Variants in SLC14A2 observed in about 807,000 individuals in gnomAD.
SLC14A2 encodes urea transporter 2.
A neutral mutation model predicts 104.6 loss-of-function variants in SLC14A2; 91 were observed. The observed-to-expected ratio is 0.87, with a 90% confidence interval of 0.73 to 1.04. SLC14A2 has a LOEUF of 1.04. Among genes scored for constraint, SLC14A2 ranks in the 50% least tolerant of loss-of-function variants. The pLI is 0.00. For missense variants in SLC14A2, 1,189 were observed against 1,156.0 expected, an observed-to-expected ratio of 1.03 and a Z score of -0.41; for synonymous variants, 476 against 466.4, an observed-to-expected ratio of 1.02 and a Z score of -0.27.
chr18:45,350,276 A>T (rs780478187), intron 1 of SLC14A2, among the ~76,000 whole-genome samples: 10 of 152,248 alleles, frequency 6.6e-5, no homozygotes, highest in Non-Finnish European at 1.3e-4. Flanking sequence ...CCTCAGAATC[A>T]CAATGCATTA....
At chr18:45,220,822 G>A (rs1242002830) in intron 1 of SLC14A2, among the ~76,000 whole-genome samples, 1 of 152,220 alleles carries the variant, frequency 6.6e-6, no homozygotes, top group African/African-American at 2.4e-5. Flanking sequence ...CTCGAGGCTG[G>A]AAGGCCAAAA....
Position 45,432,665 on chromosome 18 carries a change from A to G in SLC14A2, c.-124-50568A>G, listed in dbSNP as rs1456481925. Among the ~76,000 whole-genome samples the G allele has an allele frequency of 3.9e-5, 6 of 152,248 alleles. No individual in the cohort carries two copies. The East Asian group carries it at 9.7e-4, about 25-fold the overall frequency. ...ATTTCGGCTTTGTGAGTACACTTTG[A>G]TATGTTCATGATTCCTGCACAGACC... is the stretch of plus-strand genomic sequence containing the variant. On this transcript the variant is annotated intron_variant, in intron 1 of 20. Transcript: ENST00000586448.
At chr18:45,507,045 T>C (rs59179251) in intron 2 of SLC14A2, among the ~76,000 whole-genome samples, 2 of 152,308 alleles carry the variant, frequency 1.3e-5, no homozygotes, top group South Asian at 2.1e-4. Context: ...TTGAAGGAGA[T>C]GGACAGGACA....
intron 1 of SLC14A2, among the ~76,000 whole-genome samples, chr18:45,418,841 G>A (rs2086306901): frequency 1.3e-5 from 2 of 152,006 alleles, no homozygotes; most frequent in African/African-American, 4.8e-5. Flanking sequence ...TTTTCCTTCT[G>A]AGGAAAAAAA....
At chr18:45,190,200 G>A in the SLC14A2 span, among the ~76,000 whole-genome samples, 1 of 152,098 alleles carries the variant, frequency 6.6e-6, no homozygotes, top group Non-Finnish European at 1.5e-5. Context: ...TTCTTTAGTA[G>A]GCTAAATATT....
chr18:45,502,202 G>C (rs1426278477), intron 2 of SLC14A2, among the ~76,000 whole-genome samples: 1 of 152,222 alleles, frequency 6.6e-6, no homozygotes, highest in Non-Finnish European at 1.5e-5. Flanking sequence ...GGGAAGATTA[G>C]GGGTGGGGTT....
At chr18:45,664,213 G>C (rs1032254923) in intron 11 of SLC14A2, among the ~76,000 whole-genome samples, 3 of 152,174 alleles carry the variant, frequency 2.0e-5, no homozygotes, top group Non-Finnish European at 4.4e-5. Context: ...GCCTGGGTGG[G>C]CATCAGGAGC....
Position 45,639,884 on chromosome 18 carries a change from C to T in SLC14A2, c.982C>T (p.Leu328=). 6.2e-7 allele frequency: 1 copy of T among 1,613,200 alleles called. No homozygotes were observed. The highest frequency in any genetic ancestry group is 1.7e-5 in the Admixed American group (1 of 59,992). Residue 328 remains leucine (L), a synonymous_variant, in exon 7 of 20, where the codon CTG becomes TTG. Transcript: ENST00000255226. ...TGCAGCCATTGGCTCAATCGTGGGG[C>T]TGCTAGCAGGTAGGACAGAGCTCCC... The part of the protein sequence containing the change: ...LHAAIGSIVG[L]LAALSVATPF...
intron 1 of SLC14A2, among the ~76,000 whole-genome samples, chr18:45,480,392 G>A (rs1196206215): frequency 6.6e-6 from 1 of 152,160 alleles, no homozygotes; most frequent in Non-Finnish European, 1.5e-5. Flanking sequence ...CTGCTGAGCT[G>A]AATGCAATTG....
At chr18:45,450,449 A>C (rs1448037840) in intron 1 of SLC14A2, among the ~76,000 whole-genome samples, 1 of 152,204 alleles carries the variant, frequency 6.6e-6, no homozygotes, top group Non-Finnish European at 1.5e-5. Flanking sequence ...AGCTGGTAGC[A>C]GCAGGGATGG....
chr18:45,210,842 G>C (rs1416487596), upstream of SLC14A2, among the ~76,000 whole-genome samples: 1 of 152,190 alleles, frequency 6.6e-6, no homozygotes, highest in African/African-American at 2.4e-5. Context: ...AATATGGAAT[G>C]TGTTGTTGTG....
the SLC14A2 span, among the ~76,000 whole-genome samples, chr18:45,190,008 C>T: frequency 8.5e-5 from 13 of 152,240 alleles, no homozygotes; most frequent in African/African-American, 3.1e-4. Flanking sequence ...TGGTTTTCCA[C>T]AAGATACAGC....
the SLC14A2 span, among the ~76,000 whole-genome samples, chr18:45,177,934 T>G: frequency 1.3e-5 from 2 of 152,312 alleles, no homozygotes; most frequent in East Asian, 3.9e-4. Context: ...GTTTTTCATG[T>G]ATTTCAAAGA....
intron 1 of SLC14A2, among the ~76,000 whole-genome samples, chr18:45,424,863 G>A (rs999431878): frequency 1.3e-5 from 2 of 152,074 alleles, no homozygotes; most frequent in Admixed American, 1.3e-4. Context: ...ATTTTTACTT[G>A]TAAAGTATAT....
intron 1 of SLC14A2, among the ~76,000 whole-genome samples, chr18:45,383,691 T>C (rs967920438): frequency 2.0e-5 from 3 of 152,184 alleles, no homozygotes; most frequent in Admixed American, 1.3e-4. Context: ...TGGATCCAAT[T>C]AGACCTGCCA....
At chr18:45,605,856 G>T (rs895620832) in intron 2 of SLC14A2, among the ~76,000 whole-genome samples, 2 of 152,076 alleles carry the variant, frequency 1.3e-5, no homozygotes, top group African/African-American at 2.4e-5. Flanking sequence ...TCTCCAGAAG[G>T]GTGATGAAGG....
intron 2 of SLC14A2, among the ~76,000 whole-genome samples, chr18:45,586,977 A>G (rs1019393019): frequency 6.6e-6 from 1 of 152,060 alleles, no homozygotes; most frequent in South Asian, 2.1e-4. Context: ...AAAAAAGTTT[A>G]TTCTTCTTTA....
At chr18:45,426,326 A>T (rs908031115) in intron 1 of SLC14A2, among the ~76,000 whole-genome samples, 5 of 152,102 alleles carry the variant, frequency 3.3e-5, no homozygotes, top group African/African-American at 1.2e-4. Flanking sequence ...GCGTGTAATC[A>T]TCTAACTTAT....
In SLC14A2 at chr18:45,391,719, G is replaced by A. The variant is rs551361448; in HGVS notation, c.-124-91514G>A. Among the ~76,000 whole-genome samples, 67 of 152,282 alleles carry A rather than the reference G, an allele frequency of 4.4e-4. 1 individual carries two copies. The highest frequency in any genetic ancestry group is 1.3e-3 in the African/African-American group (53 of 41,558). On this transcript the variant is annotated intron_variant, in intron 1 of 20. Coordinates refer to the SLC14A2 transcript ENST00000586448. ...TCATGTGTCTTTTGGCTGTATAAAT[G>A]TCTTCTTTTGAGAAGTGTCTGTTCA...
Sources: allele counts gnomAD v4.1 joint callset (sites outside exome capture counted in the v4.1 genomes callset), GRCh38; gene constraint gnomAD v4.1.1; transcripts MANE v1.5; gene names NCBI Gene and HGNC (gene_info 2026-07-23, HGNC 2026-07-21).